MGMT: variants seen among roughly 807,000 people sequenced by gnomAD.
The protein encoded by MGMT is methylated-DNA--protein-cysteine methyltransferase.
In MGMT, 14 loss-of-function variants were observed where a neutral mutation model predicts 15.9. That is an observed-to-expected ratio of 0.88 (90% CI 0.58 to 1.37). The LOEUF is 1.37. Ranked by LOEUF, MGMT falls within the 40% of genes most tolerant of loss-of-function variation. The pLI is 0.00. For missense variants in MGMT, 282 were observed against 268.1 expected (o/e 1.05, Z -0.36); for synonymous variants, 130 against 118.2 (o/e 1.10, Z -0.65).
intron 1 of MGMT, among the ~76,000 whole-genome samples, chr10:129,467,713 G>A (rs898191312): frequency 6.6e-6 from 1 of 152,236 alleles, no homozygotes; most frequent in Non-Finnish European, 1.5e-5. Context: ...CTTAGGCAGA[G>A]TCCCATATTT....
chr10:129,467,844 A>G (rs1022813530), intron 1 of MGMT, among the ~76,000 whole-genome samples: 1 of 152,230 alleles, frequency 6.6e-6, no homozygotes, highest in Non-Finnish European at 1.5e-5. Flanking sequence ...GGAGAGCCAC[A>G]CACACTGGGC....
At chr10:129,537,912 C>A (rs947287776) in intron 2 of MGMT, among the ~76,000 whole-genome samples, 4 of 152,144 alleles carry the variant, frequency 2.6e-5, no homozygotes, top group African/African-American at 9.7e-5. Context: ...ATGGTGGTCC[C>A]TGCCCTGGTG....
chr10:129,599,208 G>C (rs1287375667), intron 2 of MGMT, among the ~76,000 whole-genome samples: 1 of 152,194 alleles, frequency 6.6e-6, no homozygotes, highest in Admixed American at 6.5e-5. Flanking sequence ...TGAACAGTCA[G>C]CTATATTGGA....
intron 3 of MGMT, among the ~76,000 whole-genome samples, chr10:129,742,485 TAGC>T (rs1234013533): frequency 9.7e-6 from 1 of 103,152 alleles, no homozygotes; most frequent in African/African-American, 3.7e-5. Context: ...CCCACTACCA[TAGC>T]AGCCCATGCT....
In MGMT at chr10:129,703,336, G is replaced by A. The variant is rs564417365; in HGVS notation, c.126-4559G>A. On this transcript the variant is annotated intron_variant, in intron 2 of 4. Transcript: ENST00000651593. ...CACATTTCAATTCCCTCAGCAGCAT[G>A]AGAGAAGGACGCCCGCGTGGGCAGA... Among the ~76,000 whole-genome samples the A allele has an allele frequency of 2.6e-5, 4 of 152,350 alleles. No homozygotes were observed. In the South Asian group the frequency reaches 6.2e-4, roughly 24 times the overall value.
At chr10:129,541,991 G>A (rs1285303008) in intron 2 of MGMT, among the ~76,000 whole-genome samples, 1 of 152,170 alleles carries the variant, frequency 6.6e-6, no homozygotes, top group African/African-American at 2.4e-5. Context: ...AGCTAGGCTG[G>A]CCTGACCCTA....
At chr10:129,615,864 G>A (rs540027802) in intron 2 of MGMT, among the ~76,000 whole-genome samples, 3 of 152,118 alleles carry the variant, frequency 2.0e-5, no homozygotes, top group Admixed American at 6.5e-5. Flanking sequence ...AGCTGCCCAC[G>A]GCAGGGGGTG....
chr10:129,518,771 A>G (rs1467780010), intron 1 of MGMT, among the ~76,000 whole-genome samples: 1 of 151,256 alleles, frequency 6.6e-6, no homozygotes, highest in Admixed American at 6.6e-5. Flanking sequence ...GTTATCATTA[A>G]GACTTCCATT....
chr10:129,668,330 A>C (rs770547169), intron 2 of MGMT, among the ~76,000 whole-genome samples: 3 of 151,860 alleles, frequency 2.0e-5, no homozygotes, highest in Non-Finnish European at 4.4e-5. Context: ...AACCATTCTT[A>C]GATGCTGGGC....
At position 129,707,953 on chromosome 10, in the gene MGMT, T is replaced by C. The variant is rs751605547; in HGVS notation, c.184T>C (p.Cys62Arg). The change falls in exon 3 of 5, where the codon TGC (cysteine) becomes CGC (arginine). Residue 62 changes from cysteine (C) to arginine (R), a missense_variant. Transcript: ENST00000651593. The stretch of plus-strand genomic sequence containing the variant: ...CGGAGGTCCGGAGCCCCTGATGCAG[T>C]GCACAGCCTGGCTGAATGCCTATTT... ...VLGGPEPLMQ[C>R]TAWLNAYFHQ... is the part of the protein sequence containing the mutation. 3.1e-6 allele frequency: 5 copies of C among 1,613,228 alleles called. No homozygotes were observed. The Admixed American group carries it at 5.0e-5, about 16-fold the overall frequency.
chr10:129,619,048 TC>T (rs1412201118), intron 2 of MGMT, among the ~76,000 whole-genome samples: 1 of 152,200 alleles, frequency 6.6e-6, no homozygotes, highest in African/African-American at 2.4e-5. Flanking sequence ...GAAGTAAACA[TC>T]CTCTGTTCCT....
rs1168791076 is a variant in MGMT at position 129,767,049 on chromosome 10, C to T, written c.*52C>T. 4 of 1,457,352 alleles carry T rather than the reference C, an allele frequency of 2.7e-6. No individual in the cohort carries two copies. The highest frequency in any genetic ancestry group is 2.3e-5 in the East Asian group (1 of 42,886). The allele number at this position is 1,457,352 out of a possible 1,614,324, so 90.3% of individuals were successfully genotyped here. ...GCGACACACACGTGTAACACTGCAT[C>T]GGATGCGGGGCGTGGAGGCACCGCT... On this transcript the variant is annotated 3_prime_UTR_variant, in exon 5 of 5. Transcript: ENST00000651593.
intron 2 of MGMT, among the ~76,000 whole-genome samples, chr10:129,627,829 G>T (rs1287701252): frequency 2.0e-5 from 3 of 152,142 alleles, no homozygotes; most frequent in Non-Finnish European, 4.4e-5. Flanking sequence ...AAATAATTTT[G>T]TAATGTGAGT....
At chr10:129,620,866 C>T (rs1208661445) in intron 2 of MGMT, among the ~76,000 whole-genome samples, 2 of 152,096 alleles carry the variant, frequency 1.3e-5, no homozygotes, top group East Asian at 1.9e-4. Flanking sequence ...TTCTTCATTC[C>T]TGTTTTCCTA....
chr10:129,500,068 T>G (rs955474281), intron 1 of MGMT, among the ~76,000 whole-genome samples: 1 of 152,258 alleles, frequency 6.6e-6, no homozygotes, highest in East Asian at 1.9e-4. Flanking sequence ...AAGCATATCT[T>G]CCTTTTCCTT....
chr10:129,661,368 C>G (rs541487750), intron 2 of MGMT, among the ~76,000 whole-genome samples: 2 of 152,260 alleles, frequency 1.3e-5, no homozygotes, highest in East Asian at 1.9e-4. Flanking sequence ...CCCAGACCCC[C>G]CTCATAAGGC....
At chr10:129,481,490 A>G (rs1845357747) in intron 1 of MGMT, among the ~76,000 whole-genome samples, 1 of 152,150 alleles carries the variant, frequency 6.6e-6, no homozygotes, top group Admixed American at 6.5e-5. Flanking sequence ...TATATTTTGG[A>G]TTAGTTTGTG....
At chr10:129,612,810 T>C (rs964092021) in intron 2 of MGMT, among the ~76,000 whole-genome samples, 2 of 152,180 alleles carry the variant, frequency 1.3e-5, no homozygotes, top group Non-Finnish European at 2.9e-5. Context: ...TGTAAAATAT[T>C]TAAAGAGGTA....
chr10:129,652,096 A>G (rs1847465331), intron 2 of MGMT, among the ~76,000 whole-genome samples: 1 of 152,164 alleles, frequency 6.6e-6, no homozygotes, highest in African/African-American at 2.4e-5. Flanking sequence ...GTGTAGGAGT[A>G]GATGTGGAGG....
Sources: allele counts gnomAD v4.1 joint callset (sites outside exome capture counted in the v4.1 genomes callset), GRCh38; gene constraint gnomAD v4.1.1; transcripts MANE v1.5; gene names NCBI Gene and HGNC (gene_info 2026-07-23, HGNC 2026-07-21).